The following KIF5C variants were observed in gnomAD, a reference collection of about 807,000 sequenced individuals.
KIF5C encodes the protein kinesin heavy chain isoform 5C.
KIF5C carries 18 observed loss-of-function variants against 125.2 expected under a neutral mutation model. That is an observed-to-expected ratio of 0.14 (90% CI 0.10 to 0.21). KIF5C has a LOEUF of 0.21. KIF5C is among the 10% of genes least tolerant of loss of function. The pLI is 1.00. For synonymous variants in KIF5C, 405 were observed against 434.0 expected, an observed-to-expected ratio of 0.93 and a Z score of 0.83; for missense variants, 780 against 1,183.8, an observed-to-expected ratio of 0.66 and a Z score of 5.01.
chr2:149,016,520 G>T (rs1002411706), intron 25 of KIF5C, among the ~76,000 whole-genome samples: 4 of 152,044 alleles, frequency 2.6e-5, no homozygotes, highest in Non-Finnish European at 5.9e-5. Context: ...AGGAAGGAAG[G>T]GAATCAAGGT....
At chr2:148,947,114 C>A in intron 8 of KIF5C, 91 bp downstream of exon 8, 1 of 1,472,506 alleles carries the variant, frequency 6.8e-7, no homozygotes, top group East Asian at 2.5e-5. Flanking sequence ...TTCTATTTTC[C>A]TGCTTTAAAG....
intron 25 of KIF5C, among the ~76,000 whole-genome samples, chr2:149,013,277 AG>A (rs748680214): frequency 2.0e-5 from 3 of 152,222 alleles, no homozygotes; most frequent in Non-Finnish European, 4.4e-5. Flanking sequence ...GGCCAGCTCA[AG>A]GTCACCAAAT....
chr2:148,955,785 T>A (rs1199978935), intron 10 of KIF5C, among the ~76,000 whole-genome samples: 2 of 152,164 alleles, frequency 1.3e-5, no homozygotes, highest in Non-Finnish European at 2.9e-5. Flanking sequence ...TTTCTGTCTC[T>A]CACACACCAT....
chr2:148,893,508 G>A (rs774972794), intron 1 of KIF5C, among the ~76,000 whole-genome samples: 3 of 152,146 alleles, frequency 2.0e-5, no homozygotes, highest in Non-Finnish European at 4.4e-5. Flanking sequence ...ACTCGTCCAA[G>A]CCTTTATTGA....
intron 11 of KIF5C, among the ~76,000 whole-genome samples, chr2:148,969,769 T>C (rs758409241): frequency 6.6e-6 from 1 of 152,152 alleles, no homozygotes; most frequent in Non-Finnish European, 1.5e-5. Flanking sequence ...TATTCTCCAT[T>C]AACGTGGTGA....
intron 3 of KIF5C, among the ~76,000 whole-genome samples, chr2:148,930,527 C>T (rs535836750): frequency 6.6e-6 from 1 of 152,190 alleles, no homozygotes; most frequent in South Asian, 2.1e-4. Flanking sequence ...TTTTCATTTA[C>T]GATGCCCTCC....
In KIF5C at chr2:149,010,327, A is replaced by G; in HGVS notation, c.2743A>G (p.Arg915Gly). The change falls in exon 24 of 26, where the codon AGA (arginine) becomes GGA (glycine). Residue 915 changes from arginine (R) to glycine (G), a missense_variant. Physicochemically the swap from Arg to Gly is moderately radical, Grantham distance 125. Coordinates refer to ENST00000435030, the MANE Select transcript of KIF5C (RefSeq NM_004522.3). ...KEAVRAKNMA[R>G]RAHSAQIAKP... ...GGCCGTGCGGGCCAAGAACATGGCC[A>G]GAAGGGCCCATTCAGCCCAGATCGG... 1 of 1,588,940 alleles carries G rather than the reference A, an allele frequency of 6.3e-7. No homozygotes were observed. The highest frequency in any genetic ancestry group is 8.6e-7 in the Non-Finnish European group (1 of 1,168,326).
intron 24 of KIF5C, among the ~76,000 whole-genome samples, chr2:149,010,720 G>A (rs75912746): frequency 2.3e-3 from 353 of 152,332 alleles, no homozygotes; most frequent in African/African-American, 8.0e-3. Context: ...TTCTGCACCC[G>A]GTGGGAGCAT....
chr2:148,968,773 T>C (rs1052563634), intron 11 of KIF5C, among the ~76,000 whole-genome samples: 1 of 152,162 alleles, frequency 6.6e-6, no homozygotes, highest in Non-Finnish European at 1.5e-5. Context: ...GAATGATTTT[T>C]TTTTTTTAAC....
At chr2:148,951,943 C>A (rs1375804525) in intron 10 of KIF5C, among the ~76,000 whole-genome samples, 1 of 152,188 alleles carries the variant, frequency 6.6e-6, no homozygotes, top group African/African-American at 2.4e-5. Flanking sequence ...CATAGAATTA[C>A]ACAGCCGTGG....
At chr2:148,958,127 A>C (rs1682842499) in intron 10 of KIF5C, among the ~76,000 whole-genome samples, 1 of 152,068 alleles carries the variant, frequency 6.6e-6, no homozygotes, top group African/African-American at 2.4e-5. Context: ...GATTATTTTC[A>C]TGTTGGGGTG....
Position 148,906,645 on chromosome 2 carries a change from G to T in KIF5C, c.127-15492G>T, listed in dbSNP as rs973964205. On this transcript the variant is annotated intron_variant, in intron 1 of 25. Coordinates refer to ENST00000435030, the MANE Select transcript of KIF5C (RefSeq NM_004522.3). ...TTTGGGAGGCTGAGGTGGGAGGATC[G>T]CTTGAGCTCAGGGGTTCGAGACCAG... Among the ~76,000 whole-genome samples the T allele has an allele frequency of 2.6e-5, 4 of 151,992 alleles. No individual in the cohort carries two copies. The South Asian group carries it at 8.4e-4, about 32-fold the overall frequency.
chr2:149,022,921 T>C (rs1682573028), intron 25 of KIF5C, among the ~76,000 whole-genome samples, 157 bp from the exon 26 acceptor site: 1 of 152,132 alleles, frequency 6.6e-6, no homozygotes, highest in African/African-American at 2.4e-5. Context: ...TGAAACTCCA[T>C]CTCAAAAACA....
rs187728106 is a variant in KIF5C at position 149,013,531 on chromosome 2, G to T, written c.*7+1848G>T. Among the ~76,000 whole-genome samples the T allele has an allele frequency of 5.9e-5, 9 of 152,330 alleles. No homozygotes were observed. In the East Asian group the frequency reaches 1.5e-3, roughly 26 times the overall value. On this transcript the variant is annotated intron_variant, in intron 25 of 25. Transcript: ENST00000435030. Reference sequence around the variant, plus strand: ...AAGAAAGGTAATGCTTTTAGAGCAAGGACAGGGAGAGTGGATGTTGAGGTG... The same window carrying T: ...AAGAAAGGTAATGCTTTTAGAGCAATGACAGGGAGAGTGGATGTTGAGGTG...
chr2:149,013,494 A>G (rs1255026156), intron 25 of KIF5C, among the ~76,000 whole-genome samples: 1 of 152,208 alleles, frequency 6.6e-6, no homozygotes, highest in Non-Finnish European at 1.5e-5. Context: ...AGCTGGGCAC[A>G]TCACTACCCC....
intron 16 of KIF5C, among the ~76,000 whole-genome samples, chr2:148,991,779 A>G (rs1681532817): frequency 6.6e-6 from 1 of 152,200 alleles, no homozygotes; most frequent in African/African-American, 2.4e-5. Context: ...GCTAGGACTC[A>G]AAAAAATGTG....
At chr2:148,986,758 C>T (rs1437174599) in intron 15 of KIF5C, among the ~76,000 whole-genome samples, 1 of 152,176 alleles carries the variant, frequency 6.6e-6, no homozygotes, top group Non-Finnish European at 1.5e-5. Flanking sequence ...GAGCCTTCCC[C>T]AGTCCACAGT....
intron 6 of KIF5C, 87 bp from the exon 7 acceptor site, chr2:148,942,586 A>C: frequency 6.5e-7 from 1 of 1,538,468 alleles, no homozygotes; most frequent in Non-Finnish European, 8.8e-7. Context: ...GCACCTCTAG[A>C]AGATAAACAG....
At chr2:148,880,949 A>G (rs1413235815) in intron 1 of KIF5C, among the ~76,000 whole-genome samples, 1 of 146,842 alleles carries the variant, frequency 6.8e-6, no homozygotes, top group Admixed American at 6.8e-5. Flanking sequence ...CTAAAAAAAA[A>G]CCTAGTTTTT....
Sources: allele counts gnomAD v4.1 joint callset (sites outside exome capture counted in the v4.1 genomes callset), GRCh38; gene constraint gnomAD v4.1.1; transcripts MANE v1.5; gene names NCBI Gene and HGNC (gene_info 2026-07-23, HGNC 2026-07-21).